Variants in CACNA1A observed in about 807,000 individuals in gnomAD.
CACNA1A encodes calcium voltage-gated channel subunit alpha1 A.
In CACNA1A, 57 loss-of-function variants were observed where a neutral mutation model predicts 262.4. That is an observed-to-expected ratio of 0.22 (90% CI 0.18 to 0.27). CACNA1A has a LOEUF of 0.27. CACNA1A is among the 10% of genes least tolerant of loss of function. The pLI, the probability that CACNA1A is intolerant of heterozygous loss-of-function variation, is 1.00. For synonymous variants in CACNA1A, 1,431 were observed against 1,419.3 expected, an observed-to-expected ratio of 1.01 and a Z score of -0.18; for missense variants, 2,526 against 3,562.8, an observed-to-expected ratio of 0.71 and a Z score of 7.41.
intron 1 of CACNA1A, among the ~76,000 whole-genome samples, chr19:13,482,848 TTGTGTGTGTGTGTGTGTGTGTGTGTGTG>T (rs34754803): frequency 2.2e-5 from 3 of 134,016 alleles, no homozygotes; most frequent in East Asian, 2.2e-4. Context: ...TTCTCTCAAC[TTGTGTGTGTGTGTGTGTGTGTGTGTGTG>T]TGTGTGTGTG....
intron 3 of CACNA1A, among the ~76,000 whole-genome samples, chr19:13,383,261 G>C (rs915051635): frequency 3.3e-5 from 5 of 152,176 alleles, no homozygotes; most frequent in African/African-American, 1.2e-4. Context: ...GCAGCCCCTA[G>C]GGCTTCCAAT....
intron 25 of CACNA1A, 97 bp from the exon 26 acceptor site, chr19:13,261,707 T>C (rs922441865): frequency 5.8e-6 from 7 of 1,210,658 alleles, no homozygotes; most frequent in Middle Eastern, 4.2e-4. Context: ...CCATGATCAT[T>C]CCCATTTTAC....
Position 13,207,156 on chromosome 19 carries a change from T to A in CACNA1A, c.*157A>T. On this transcript the variant is annotated 3_prime_UTR_variant, in exon 47 of 47. Coordinates refer to ENST00000360228, the MANE Select transcript of CACNA1A (RefSeq NM_001127222.2). The surrounding 1 kb of genome is among the most constrained non-coding windows in gnomAD (Gnocchi z 5.7). ...GGCCGAGGGTCTCTGCGGGACACCCTTGTGGCCCAGCCCTGGCCTCTCCAG... is the reference window on the plus strand; with the variant it reads ...GGCCGAGGGTCTCTGCGGGACACCCATGTGGCCCAGCCCTGGCCTCTCCAG... The A allele has an allele frequency of 1.2e-6, 1 of 807,696 alleles. No homozygotes were observed. Among genetic ancestry groups the A allele is most frequent in the Non-Finnish European group, 1.8e-6 (1 of 560,814 alleles). 50.0% of individuals were successfully genotyped at this position (807,696 alleles called of 1,614,324 possible). A position where few individuals can be genotyped will look rare whatever the true frequency, so the allele number is the denominator to read the frequency against.
chr19:13,412,478 C>T (rs2060128844), intron 3 of CACNA1A, among the ~76,000 whole-genome samples: 1 of 149,060 alleles, frequency 6.7e-6, no homozygotes. Flanking sequence ...TCTTTTTTTT[C>T]TTTTCTTTTT....
chr19:13,433,590 C>T (rs1429877169), intron 3 of CACNA1A, among the ~76,000 whole-genome samples: 4 of 151,222 alleles, frequency 2.6e-5, no homozygotes, highest in Admixed American at 2.6e-4. Context: ...GGCTGGTAGG[C>T]GGGGGATGCA....
At chr19:13,402,939 A>G (rs1211797807) in intron 3 of CACNA1A, among the ~76,000 whole-genome samples, 2 of 139,782 alleles carry the variant, frequency 1.4e-5, no homozygotes, top group African/African-American at 5.2e-5. Context: ...ACTCAAACTC[A>G]TATTAGTACC....
chr19:13,251,719 A>G (rs1027904718), intron 30 of CACNA1A, among the ~76,000 whole-genome samples: 1 of 152,178 alleles, frequency 6.6e-6, no homozygotes, highest in Non-Finnish European at 1.5e-5. Context: ...AGATGGAAGG[A>G]AATGTTAAAA....
Position 13,259,620 on chromosome 19 carries a change from A to G in CACNA1A, c.4332T>C (p.Asn1444=), listed in dbSNP as rs1354779814. ...AGAGGGTCAGCAGAGCCCACAGCAC[A>G]TTGTCGTAATGGAATTCATACTTCT... ...EWKKYEFHYD[N]VLWALLTLFT... Residue 1444 remains asparagine, a synonymous_variant, in exon 27 of 47, where the codon AAT becomes AAC. Coordinates refer to ENST00000360228, the MANE Select transcript of CACNA1A (RefSeq NM_001127222.2). 4 of 1,610,456 alleles carry G rather than the reference A, an allele frequency of 2.5e-6. No homozygotes were observed. The highest frequency in any genetic ancestry group is 1.7e-5 in the Admixed American group (1 of 59,536).
At chr19:13,467,570 T>C (rs2061271170) in intron 1 of CACNA1A, among the ~76,000 whole-genome samples, 1 of 152,002 alleles carries the variant, frequency 6.6e-6, no homozygotes, top group African/African-American at 2.4e-5. Context: ...GTGAAGTTGC[T>C]GGATGTCAGA....
intron 3 of CACNA1A, among the ~76,000 whole-genome samples, chr19:13,400,150 T>A (rs997522391): frequency 1.3e-5 from 2 of 152,070 alleles, no homozygotes; most frequent in African/African-American, 4.8e-5. Context: ...ATCAGACAGG[T>A]TGGGGAGATG....
At chr19:13,235,822 C>A (rs1027200109) in intron 31 of CACNA1A, 92 bp from the exon 32 acceptor site, 10 of 842,232 alleles carry the variant, frequency 1.2e-5, no homozygotes, top group Admixed American at 1.2e-4. Context: ...TGAAGCCAAC[C>A]AACAGGAAAA....
rs1244610674 is a variant in CACNA1A at position 13,262,609 on chromosome 19, C to G, written c.4089+125G>C. On this transcript the variant is annotated intron_variant, in intron 25 of 46. Transcript: ENST00000360228. ...TTGTAATAATACAAATATCCATACA[C>G]GATGGCTAGGATGTTATCAGCACCT... 6.5e-4 allele frequency: 433 copies of G among 661,336 alleles called. 2 individuals carry two copies. Among genetic ancestry groups the G allele is most frequent in the Non-Finnish European group, 5.9e-5 (21 of 357,374 alleles). 41.0% of individuals were successfully genotyped at this position (661,336 alleles called of 1,614,324 possible).
rs71170510 is a variant in CACNA1A, at chr19:13,415,743, T to TAAAAAAAAAA, written c.539+37123_539+37132dup. Among the ~76,000 whole-genome samples, 57 of 42,508 alleles carry TAAAAAAAAAA rather than the reference T, an allele frequency of 1.3e-3. 4 individuals are homozygous for TAAAAAAAAAA. Among genetic ancestry groups the TAAAAAAAAAA allele is most frequent in the African/African-American group, 1.8e-3 (22 of 12,152 alleles). 27.9% of individuals were successfully genotyped at this position (42,508 alleles called of 152,430 possible). On this transcript the variant is annotated intron_variant, in intron 3 of 46. Transcript: ENST00000360228. Reference sequence around the variant, plus strand: ...CAACAGAGCGAGACTCTGTCTCAATTAAAAAAAAAAAAAAAAAAAAAAAAA... The same window carrying TAAAAAAAAAA: ...CAACAGAGCGAGACTCTGTCTCAATTAAAAAAAAAAAAAAAAAAAAAAAAAAAAAAAAAAA...
chr19:13,207,908 G>A lies in CACNA1A; in HGVS notation c.6926C>T (p.Ser2309Leu), dbSNP rs1387391445. The A allele has an allele frequency of 4.1e-6, 6 of 1,466,146 alleles. No homozygotes were observed. The highest frequency in any genetic ancestry group is 2.7e-5 in the South Asian group (2 of 73,008). 90.8% of individuals were successfully genotyped at this position (1,466,146 alleles called of 1,614,324 possible). A position where few individuals can be genotyped will look rare whatever the true frequency, so the allele number is the denominator to read the frequency against. The change falls in exon 47 of 47, where the codon TCG becomes TTG. Residue 2309 changes from serine (S) to leucine (L), a missense_variant. Around this residue, in one of 17 missense-constraint regions of CACNA1A, gnomAD observed 929 missense variants for 868.1 expected, o/e 1.07. Coordinates refer to ENST00000360228, the MANE Select transcript of CACNA1A (RefSeq NM_001127222.2). This position sits in a 1 kb window ranked among gnomAD's most constrained non-coding sequence, Gnocchi z 5.7. ...YSPVIRKAGG[S>L]GPPQQQQQQQ... ...CTGCTGCTGCTGCTGCGGGGGCCCCGAGCCGCCGGCCTTACGGATCACAGG... is the reference window on the plus strand; with the variant it reads ...CTGCTGCTGCTGCTGCGGGGGCCCCAAGCCGCCGGCCTTACGGATCACAGG...
intron 29 of CACNA1A, among the ~76,000 whole-genome samples, chr19:13,254,466 A>G (rs570017501): frequency 8.6e-5 from 13 of 151,152 alleles, no homozygotes; most frequent in Non-Finnish European, 1.8e-4. Flanking sequence ...GGGTTCAAGC[A>G]ATTCTCCTGC....
intron 6 of CACNA1A, among the ~76,000 whole-genome samples, chr19:13,338,321 T>C (rs2058613237): frequency 1.3e-5 from 2 of 152,246 alleles, no homozygotes; most frequent in Admixed American, 6.5e-5. Context: ...ATTTGATCTG[T>C]TGTTGACCAA....
Position 13,236,928 on chromosome 19 carries a change from T to C in CACNA1A, c.4951-1198A>G, listed in dbSNP as rs1243697675. On this transcript the variant is annotated intron_variant, in intron 31 of 46. Transcript: ENST00000360228. This position sits in a 1 kb window ranked among gnomAD's most constrained non-coding sequence, Gnocchi z 4.6. ...GGGGTGGGACTCTCGAAGTCACGAG[T>C]GGGCCAAATCTAGCTAATAAAACTG... Among the ~76,000 whole-genome samples, 1 of 152,044 alleles carries C rather than the reference T, an allele frequency of 6.6e-6. No individual in the cohort carries two copies. The highest frequency in any genetic ancestry group is 2.4e-5 in the African/African-American group (1 of 41,412).
intron 6 of CACNA1A, among the ~76,000 whole-genome samples, chr19:13,346,471 G>C (rs925884636): frequency 4.6e-5 from 7 of 151,252 alleles, no homozygotes; most frequent in Admixed American, 2.0e-4. Flanking sequence ...AAAGTGCTGG[G>C]ATTACAAGTG....
intron 10 of CACNA1A, among the ~76,000 whole-genome samples, chr19:13,326,252 T>C (rs1396267251): frequency 2.0e-5 from 3 of 151,218 alleles, no homozygotes; most frequent in Non-Finnish European, 2.9e-5. Flanking sequence ...AAGGTGGAGG[T>C]TGCAGTGAGC....
Sources: gnomAD v4.1 joint callset for allele counts (sites outside exome capture counted in the v4.1 genomes callset) on GRCh38, gnomAD v4.1.1 for gene constraint, gnomAD v4.1.1 regional missense constraint, Gnocchi (gnomAD v3.1) non-coding constraint, MANE v1.5 for transcripts, NCBI Gene and HGNC (gene_info 2026-07-23, HGNC 2026-07-21) for gene names.